SHISAL1: variants seen among roughly 807,000 people sequenced by gnomAD.
SHISAL1 encodes the protein protein shisa-like-1.
A neutral mutation model predicts 22.6 loss-of-function variants in SHISAL1; 9 were observed. The ratio of observed to expected loss-of-function variants is 0.40; its 90% CI spans 0.24 to 0.70. The LOEUF (loss-of-function observed/expected upper bound fraction) is 0.70. Among genes scored for constraint, SHISAL1 ranks in the 30% least tolerant of loss-of-function variants. SHISAL1 has a pLI of 0.39. For synonymous variants in SHISAL1, 119 were observed against 115.4 expected (o/e 1.03, Z -0.20); for missense variants, 246 against 270.6 (o/e 0.91, Z 0.64).
the SHISAL1 span, among the ~76,000 whole-genome samples, chr22:44,318,413 G>A: frequency 6.6e-6 from 1 of 152,266 alleles, no homozygotes; most frequent in African/African-American, 2.4e-5. Context: ...TCGGGACTGG[G>A]ATGGCAAGTG....
the SHISAL1 span, among the ~76,000 whole-genome samples, chr22:44,331,712 G>A: frequency 6.8e-6 from 1 of 147,326 alleles, no homozygotes; most frequent in Non-Finnish European, 1.5e-5. This position sits in a 1 kb window ranked among gnomAD's most constrained non-coding sequence, Gnocchi z 5.2. Context: ...GGCGCGGCGC[G>A]GAGCTGGGGC....
At chr22:44,275,732 G>A (rs1201880461) in intron 4 of SHISAL1, among the ~76,000 whole-genome samples, 8 of 152,210 alleles carry the variant, frequency 5.3e-5, no homozygotes, top group Non-Finnish European at 1.0e-4. Context: ...CTCTCTCCGA[G>A]CCTTGGTGTC....
rs998947330 is a variant in SHISAL1, at chr22:44,249,612, T to C, written c.*73A>G. The C allele has an allele frequency of 8.1e-5, 63 of 775,748 alleles. 1 individual carries two copies. The Admixed American group carries it at 1.1e-3, about 13-fold the overall frequency. 48.1% of individuals were successfully genotyped at this position (775,748 alleles called of 1,614,324 possible). A position where few individuals can be genotyped will look rare whatever the true frequency, so the allele number is the denominator to read the frequency against. On this transcript the variant is annotated 3_prime_UTR_variant, in exon 5 of 5. Coordinates refer to ENST00000381176, the MANE Select transcript of SHISAL1 (RefSeq NM_001099294.2). The stretch of plus-strand genomic sequence containing the variant: ...GCTGTCCCTGGCATCTCTGTAGAAG[T>C]TGTTCTTCTCGGAGGCTGCACCGGG...
Position 44,285,557 on chromosome 22 carries a change from C to A in SHISAL1, c.470G>T (p.Arg157Leu), listed in dbSNP as rs200825189. The A allele has an allele frequency of 6.5e-7, 1 of 1,538,444 alleles. No homozygotes were observed. Among genetic ancestry groups the A allele is most frequent in the Admixed American group, 1.7e-5 (1 of 58,786 alleles). ...CGGCTGTGGGGCCCGCTGACCCGGC[C>A]GAGGGGCCCGAGCGGGGTTCCCCCA... is the stretch of plus-strand genomic sequence containing the variant. ...RRWGNPARAP[R>L]PGQRAPQPQP... Residue 157 changes from arginine to leucine, a missense_variant, in exon 4 of 5, where the codon CGG becomes CTG. Physicochemically the swap from Arg to Leu is moderately radical, Grantham distance 102. Transcript: ENST00000381176.
intron 4 of SHISAL1, among the ~76,000 whole-genome samples, chr22:44,267,381 G>A (rs1301198133): frequency 1.3e-5 from 2 of 151,590 alleles, no homozygotes; most frequent in African/African-American, 4.8e-5. Flanking sequence ...CAGGTTCCCA[G>A]ACATCCTCCT....
At chr22:44,259,132 G>T (rs1429425968) in intron 4 of SHISAL1, among the ~76,000 whole-genome samples, 1 of 152,206 alleles carries the variant, frequency 6.6e-6, no homozygotes, top group Non-Finnish European at 1.5e-5. Context: ...TTGCAACAGG[G>T]TGGCCACATG....
intron 4 of SHISAL1, among the ~76,000 whole-genome samples, chr22:44,275,179 G>A (rs2055231130): frequency 6.6e-6 from 1 of 152,244 alleles, no homozygotes; most frequent in South Asian, 2.1e-4. Context: ...GTTTGCAGAG[G>A]GAGGTGGGGA....
chr22:44,326,040 T>C, the SHISAL1 span, among the ~76,000 whole-genome samples: 1 of 151,784 alleles, frequency 6.6e-6, no homozygotes, highest in African/African-American at 2.4e-5. Flanking sequence ...AAATCGCCCC[T>C]CCTCGCCCCA....
intron 4 of SHISAL1, among the ~76,000 whole-genome samples, chr22:44,273,027 C>T (rs538254328): frequency 4.0e-5 from 6 of 151,706 alleles, no homozygotes; most frequent in South Asian, 2.1e-4. Context: ...ACCCCAGAGG[C>T]GGAGGTTGCT....
At chr22:44,309,410 GAAGGGCAGGAA>G (rs1213329808) in intron 1 of SHISAL1, among the ~76,000 whole-genome samples, 28 of 152,284 alleles carry the variant, frequency 1.8e-4, no homozygotes, top group Non-Finnish European at 4.0e-4. Flanking sequence ...CGGCCCAGCA[GAAGGGCAGGAA>G]GTACAGACGA....
chr22:44,319,138 C>T, the SHISAL1 span, among the ~76,000 whole-genome samples: 1 of 152,264 alleles, frequency 6.6e-6, no homozygotes, highest in African/African-American at 2.4e-5. Context: ...ACTGTATAAG[C>T]CCTGGCCTCG....
At chr22:44,277,082 CCTTT>C (rs1477544017) in intron 4 of SHISAL1, among the ~76,000 whole-genome samples, 2 of 152,194 alleles carry the variant, frequency 1.3e-5, no homozygotes, top group Admixed American at 1.3e-4. Flanking sequence ...CCACTGAAAC[CCTTT>C]CTTTGTGTTA....
intron 4 of SHISAL1, among the ~76,000 whole-genome samples, chr22:44,264,528 G>T (rs956314583): frequency 1.3e-5 from 2 of 150,108 alleles, no homozygotes; most frequent in Non-Finnish European, 2.9e-5. Context: ...ATGTGCAGGG[G>T]TTTGGGGCAC....
intron 2 of SHISAL1, among the ~76,000 whole-genome samples, chr22:44,300,521 TCA>T (rs1409030605): frequency 1.3e-5 from 2 of 152,212 alleles, no homozygotes; most frequent in Non-Finnish European, 2.9e-5. Flanking sequence ...TCTCCAAGCC[TCA>T]GTTTCCTCAT....
At chr22:44,329,902 T>G in the SHISAL1 span, among the ~76,000 whole-genome samples, 1 of 152,178 alleles carries the variant, frequency 6.6e-6, no homozygotes, top group Non-Finnish European at 1.5e-5. Context: ...TCCCAATGGT[T>G]ACCCCTGGAC....
rs151247074 is a variant in SHISAL1 at position 44,299,359 on chromosome 22, C to A, written c.67+1520G>T. ...GGATGGCCCTGATTCACTGGCTGGC[C>A]CCTCCCCTGAAGGGGTGACCTCGGG... is the stretch of plus-strand genomic sequence containing the variant. On this transcript the variant is annotated intron_variant, in intron 2 of 4. Transcript: ENST00000381176. Among the ~76,000 whole-genome samples the A allele has an allele frequency of 5.5e-3, 843 of 152,322 alleles. 5 individuals are homozygous for A. The highest frequency in any genetic ancestry group is 0.022 in the South Asian group (107 of 4,826).
At chr22:44,308,974 G>T (rs1052869693) in intron 1 of SHISAL1, among the ~76,000 whole-genome samples, 2 of 152,198 alleles carry the variant, frequency 1.3e-5, no homozygotes, top group Admixed American at 1.3e-4. Context: ...GGTGTGAAGC[G>T]GCTGGTGGCG....
Position 44,264,505 on chromosome 22 carries a change from C to T in SHISAL1, c.*-14820G>A, listed in dbSNP as rs117337803. ...TCCCATCCCCTGCAAACCTGTCCTC[C>T]TTGCAGGGTCCAATGTGCAGGGGTT... On this transcript the variant is annotated intron_variant, in intron 4 of 4. Transcript: ENST00000381176. Among the ~76,000 whole-genome samples the T allele has an allele frequency of 1.1e-3, 168 of 151,032 alleles. 5 individuals carry two copies. In the East Asian group the frequency reaches 0.023, roughly 21 times the overall value.
chr22:44,254,765 G>T (rs1601775070), intron 4 of SHISAL1, among the ~76,000 whole-genome samples: 1 of 151,600 alleles, frequency 6.6e-6, no homozygotes, highest in African/African-American at 2.4e-5. Flanking sequence ...AGCTTGGGAG[G>T]AATCTAATGA....
Sources: allele counts gnomAD v4.1 joint callset (sites outside exome capture counted in the v4.1 genomes callset), GRCh38; gene constraint gnomAD v4.1.1; non-coding constraint Gnocchi (gnomAD v3.1); transcripts MANE v1.5; gene names NCBI Gene and HGNC (gene_info 2026-07-23, HGNC 2026-07-21).